Variants in FHIT observed in about 807,000 individuals in gnomAD.
FHIT encodes the protein bis(5'-adenosyl)-triphosphatase.
Under a neutral mutation model 17.9 loss-of-function variants are expected in FHIT, and 19 were observed. The ratio of observed to expected loss-of-function variants is 1.06; its 90% CI spans 0.74 to 1.56. FHIT has a LOEUF of 1.56. Among genes scored for constraint, FHIT ranks in the 40% most tolerant of loss-of-function variants. The pLI, the probability that FHIT is intolerant of heterozygous loss-of-function variation, is 0.00. For synonymous variants in FHIT, 81 were observed against 69.7 expected, an observed-to-expected ratio of 1.16 and a Z score of -0.81; for missense variants, 248 against 189.2, an observed-to-expected ratio of 1.31 and a Z score of -1.82.
At chr3:60,043,642 G>C (rs1701533142) in intron 5 of FHIT, among the ~76,000 whole-genome samples, 1 of 150,974 alleles carries the variant, frequency 6.6e-6, no homozygotes, top group African/African-American at 2.4e-5. Flanking sequence ...CAGTATATGT[G>C]TACACATATT....
At chr3:60,566,080 T>A (rs559997643) in intron 4 of FHIT, among the ~76,000 whole-genome samples, 2,092 of 152,232 alleles carry the variant, frequency 0.014, 41 homozygotes, top group African/African-American at 0.047. Context: ...TTTGAGTGAG[T>A]TTCTTAATCC....
At chr3:61,147,841 C>A (rs1201578494) in intron 2 of FHIT, among the ~76,000 whole-genome samples, 1 of 151,824 alleles carries the variant, frequency 6.6e-6, no homozygotes, top group Non-Finnish European at 1.5e-5. Flanking sequence ...TTGGAAAAAA[C>A]TACAAACAAA....
chr3:60,488,138 T>C (rs1447979758), intron 5 of FHIT, among the ~76,000 whole-genome samples: 5 of 152,166 alleles, frequency 3.3e-5, no homozygotes, highest in Admixed American at 3.3e-4. Context: ...ACGATTTAAA[T>C]ATAAACCTTT....
At chr3:60,927,649 G>T (rs369186873) in intron 3 of FHIT, among the ~76,000 whole-genome samples, 4 of 151,932 alleles carry the variant, frequency 2.6e-5, no homozygotes, top group African/African-American at 9.7e-5. Context: ...TCTGGGAGGT[G>T]AGGAGTGTCT....
intron 5 of FHIT, among the ~76,000 whole-genome samples, chr3:60,441,691 T>C (rs1277388729): frequency 1.9e-5 from 2 of 103,508 alleles, no homozygotes; most frequent in Admixed American, 1.1e-4. Flanking sequence ...ATTTGATGCA[T>C]CTGTAGGTAT....
intron 1 of FHIT, among the ~76,000 whole-genome samples, chr3:61,209,956 G>C (rs914519602): frequency 9.2e-5 from 14 of 152,048 alleles, no homozygotes; most frequent in Non-Finnish European, 1.8e-4. Context: ...TCTACCTTTG[G>C]TCTTTGATGA....
At chr3:60,358,837 G>A (rs1031478125) in intron 5 of FHIT, among the ~76,000 whole-genome samples, 3 of 152,148 alleles carry the variant, frequency 2.0e-5, no homozygotes, top group African/African-American at 7.2e-5. Context: ...TCTCCTTTCT[G>A]ACTGTCTTCA....
intron 4 of FHIT, among the ~76,000 whole-genome samples, chr3:60,545,437 G>T (rs540496128): frequency 6.6e-6 from 1 of 152,032 alleles, no homozygotes; most frequent in Non-Finnish European, 1.5e-5. Flanking sequence ...CTAGTTACTT[G>T]AGTCAAACCT....
chr3:60,133,037 G>A (rs917097442), intron 5 of FHIT, among the ~76,000 whole-genome samples: 2 of 152,098 alleles, frequency 1.3e-5, no homozygotes, highest in Admixed American at 6.6e-5. Context: ...TACACCTACC[G>A]AAACATGAAA....
intron 8 of FHIT, among the ~76,000 whole-genome samples, chr3:59,786,794 A>T (rs2106907689): frequency 6.6e-6 from 1 of 152,362 alleles, no homozygotes; most frequent in African/African-American, 2.4e-5. Flanking sequence ...CCATGTAGTC[A>T]TCTGTCTTGT....
intron 5 of FHIT, among the ~76,000 whole-genome samples, chr3:60,383,364 G>T (rs936142348): frequency 7.9e-5 from 12 of 151,938 alleles, no homozygotes; most frequent in Admixed American, 1.3e-4. Context: ...AATCGCTAGG[G>T]GTTATTAACC....
chr3:60,348,160 T>C (rs999265438), intron 5 of FHIT, among the ~76,000 whole-genome samples: 1 of 152,198 alleles, frequency 6.6e-6, no homozygotes, highest in Non-Finnish European at 1.5e-5. Context: ...TATTTGTAAT[T>C]ATCTAACCAC....
chr3:61,239,149 G>C (rs542392043), intron 1 of FHIT, among the ~76,000 whole-genome samples: 1 of 152,264 alleles, frequency 6.6e-6, no homozygotes, highest in East Asian at 1.9e-4. Flanking sequence ...CAGATGAGTG[G>C]AAGAGAGGTC....
intron 8 of FHIT, among the ~76,000 whole-genome samples, chr3:59,825,495 A>G (rs1700945242): frequency 6.6e-6 from 1 of 152,218 alleles, no homozygotes; most frequent in Non-Finnish European, 1.5e-5. Flanking sequence ...TTTTGGCCTC[A>G]GAGGACGAGA....
chr3:59,921,062 A>T (rs550167709), intron 8 of FHIT, among the ~76,000 whole-genome samples: 17 of 152,256 alleles, frequency 1.1e-4, no homozygotes, highest in Non-Finnish European at 1.8e-4. Flanking sequence ...GCACTTAGGG[A>T]CTGGTGACTA....
chr3:60,829,187 A>G (rs1162549401), intron 3 of FHIT, among the ~76,000 whole-genome samples: 2 of 152,236 alleles, frequency 1.3e-5, no homozygotes, highest in African/African-American at 4.8e-5. Flanking sequence ...AAAGACAGAT[A>G]TGATCCATGC....
At chr3:61,083,964 G>A (rs1347961838) in intron 2 of FHIT, among the ~76,000 whole-genome samples, 1 of 151,924 alleles carries the variant, frequency 6.6e-6, no homozygotes, top group East Asian at 1.9e-4. Flanking sequence ...TGCTTGGATA[G>A]TGTTTTTTCA....
At chr3:60,377,814 G>A (rs1700636271) in intron 5 of FHIT, among the ~76,000 whole-genome samples, 1 of 152,066 alleles carries the variant, frequency 6.6e-6, no homozygotes, top group Non-Finnish European at 1.5e-5. Flanking sequence ...ATCCTAGTGA[G>A]AGCCTTTCTT....
At chr3:60,969,056 T>G (rs2107525104) in intron 3 of FHIT, among the ~76,000 whole-genome samples, 1 of 152,254 alleles carries the variant, frequency 6.6e-6, no homozygotes, top group East Asian at 1.9e-4. Context: ...CCCCTCATCT[T>G]TGGGGTCAAG....
Sources: gnomAD v4.1 joint callset for allele counts (sites outside exome capture counted in the v4.1 genomes callset) on GRCh38, gnomAD v4.1.1 for gene constraint, MANE v1.5 for transcripts, NCBI Gene and HGNC (gene_info 2026-07-23, HGNC 2026-07-21) for gene names.